Variants in PHF6 observed in about 807,000 individuals in gnomAD.
PHF6 encodes the protein PHD finger protein 6.
PHF6 carries 7 observed loss-of-function variants against 34.0 expected under a neutral mutation model. The observed-to-expected ratio is 0.21, with a 90% CI of 0.12 to 0.39. The LOEUF is 0.39. Ranked by LOEUF, PHF6 falls within the 10% of genes least tolerant of loss-of-function variation. The pLI, the probability that PHF6 is intolerant of heterozygous loss-of-function variation, is 1.00. For synonymous variants in PHF6, 89 were observed against 88.4 expected, an observed-to-expected ratio of 1.01 and a Z score of -0.04; for missense variants, 128 against 262.8, an observed-to-expected ratio of 0.49 and a Z score of 3.55.
intron 3 of PHF6, among the ~76,000 whole-genome samples, chrX:134,386,872 C>A (rs1296278713): frequency 8.9e-6 from 1 of 111,907 alleles, no homozygotes; most frequent in Non-Finnish European, 1.9e-5. Context: ...ATGAGCATGG[C>A]TGTGTTTTAA....
chrX:134,420,765 G>C (rs990431895), intron 9 of PHF6, among the ~76,000 whole-genome samples: 18 of 110,237 alleles, frequency 1.6e-4, no homozygotes, highest in African/African-American at 5.9e-4. Flanking sequence ...GCTAATTTTT[G>C]CTATTTTTTG....
At chrX:134,375,671 A>G (rs1428538893) in intron 1 of PHF6, among the ~76,000 whole-genome samples, 1 of 112,037 alleles carries the variant, frequency 8.9e-6, no homozygotes, top group East Asian at 2.8e-4. Flanking sequence ...TGGTGATTTC[A>G]GAGTGCGTAC....
intron 7 of PHF6, among the ~76,000 whole-genome samples, 198 bp downstream of exon 7, chrX:134,414,164 G>A (rs1208111802): frequency 9.0e-6 from 1 of 110,812 alleles, no homozygotes; most frequent in Non-Finnish European, 1.9e-5. Flanking sequence ...TTTAGATTTT[G>A]TTAAATTATA....
intron 9 of PHF6, among the ~76,000 whole-genome samples, chrX:134,420,870 A>T (rs1452018335): frequency 1.8e-5 from 2 of 111,754 alleles, no homozygotes; most frequent in Non-Finnish European, 3.8e-5. Flanking sequence ...CTGGGATTAC[A>T]GCTGTGAGCC....
intron 3 of PHF6, 37 bp from the exon 4 acceptor site, chrX:134,393,464 C>CA: frequency 8.3e-7 from 1 of 1,199,964 alleles, no homozygotes; most frequent in Non-Finnish European, 1.1e-6. Flanking sequence ...CTTAGAAAGT[C>CA]ACATACTAAT....
chrX:134,376,219 T>C (rs934065322), intron 1 of PHF6, among the ~76,000 whole-genome samples: 2 of 112,398 alleles, frequency 1.8e-5, no homozygotes, highest in Non-Finnish European at 3.8e-5. Flanking sequence ...CTTCCTAGCA[T>C]ACAGCTGCTA....
intron 9 of PHF6, among the ~76,000 whole-genome samples, chrX:134,421,040 A>G (rs181873196): frequency 3.6e-5 from 4 of 111,997 alleles, no homozygotes; most frequent in African/African-American, 1.3e-4. Context: ...TGGCAGTTTT[A>G]TTTAGAAGGC....
chrX:134,380,397 G>T lies in PHF6; in HGVS notation c.240+2291G>T, dbSNP rs1175957942. ...GACCTACCTGCCTCGGCCTCCCAAA[G>T]TTCTGGGATTACAGGTGTGAGCCAC... On this transcript the variant is annotated intron_variant, in intron 3 of 10. Transcript: ENST00000370803. Among the ~76,000 whole-genome samples, 3 of 111,245 alleles carry T rather than the reference G, an allele frequency of 2.7e-5. No individual in the cohort carries two copies. The East Asian group carries it at 8.5e-4, about 31-fold the overall frequency.
chrX:134,416,509 A>G (rs2124251996), intron 8 of PHF6, among the ~76,000 whole-genome samples: 1 of 111,298 alleles, frequency 9.0e-6, no homozygotes, highest in East Asian at 2.8e-4. Flanking sequence ...TCCAGAGATA[A>G]AAGGGCATCT....
At chrX:134,393,458 G>A in intron 3 of PHF6, 43 bp from the exon 4 acceptor site, 1 of 1,196,267 alleles carries the variant, frequency 8.4e-7, no homozygotes, top group Non-Finnish European at 1.1e-6. Flanking sequence ...TACAGCCTTA[G>A]AAAGTCACAT....
At chrX:134,400,629 G>A (rs771168361) in intron 5 of PHF6, among the ~76,000 whole-genome samples, 3 of 110,492 alleles carry the variant, frequency 2.7e-5, no homozygotes, top group Non-Finnish European at 5.7e-5. Flanking sequence ...AAAGGTGTGA[G>A]GGTTGGAAGC....
At position 134,425,348 on chromosome X, in the gene PHF6, A is replaced by G; in HGVS notation, c.*18A>G. On this transcript the variant is annotated intron_variant, in intron 10 of 10. Coordinates refer to ENST00000370803, the MANE Select transcript of PHF6 (RefSeq NM_001015877.2). The stretch of plus-strand genomic sequence containing the variant: ...GAAACTAGGTATGAAAGTTAATTAT[A>G]TGGGATCTGTTGTCAGGATACAATA... 8.3e-7 allele frequency: 1 copy of G among 1,207,899 alleles called. No homozygotes were observed. Among genetic ancestry groups the G allele is most frequent in the Non-Finnish European group, 1.1e-6 (1 of 892,104 alleles).
intron 9 of PHF6, among the ~76,000 whole-genome samples, chrX:134,423,506 G>T (rs892731371): frequency 8.9e-6 from 1 of 111,816 alleles, no homozygotes; most frequent in African/African-American, 3.3e-5. Context: ...CATTGTGTAG[G>T]AATCTCACTC....
intron 5 of PHF6, among the ~76,000 whole-genome samples, chrX:134,404,216 A>G (rs1220436795): frequency 8.9e-6 from 1 of 112,618 alleles, no homozygotes; most frequent in Admixed American, 9.4e-5. Context: ...ATTCAAGGGC[A>G]GAGGTCAACA....
chrX:134,396,885 TAA>T (rs35795052), intron 5 of PHF6, among the ~76,000 whole-genome samples: 60 of 81,350 alleles, frequency 7.4e-4, no homozygotes, highest in Admixed American at 5.6e-4. Flanking sequence ...TGTACTGCAC[TAA>T]AAAAAAAAAA....
At chrX:134,417,441 G>A (rs1299062128) in intron 9 of PHF6, 139 bp downstream of exon 9, 2 of 604,430 alleles carry the variant, frequency 3.3e-6, no homozygotes, top group Non-Finnish European at 5.1e-6. Flanking sequence ...TAAGGAATGA[G>A]TACTACAATT....
At chrX:134,418,865 C>T (rs1446870866) in intron 9 of PHF6, 2 of 101,974 alleles carry the variant, frequency 2.0e-5, no homozygotes. Flanking sequence ...TACTTTGAGA[C>T]AGGATCTGAC....
intron 5 of PHF6, among the ~76,000 whole-genome samples, chrX:134,405,338 A>G (rs1418380284): frequency 1.8e-5 from 2 of 111,147 alleles, no homozygotes; most frequent in Non-Finnish European, 3.8e-5. Context: ...AGCTGGGATT[A>G]CAGGTGCCTG....
rs185646102 is a variant in PHF6, at chrX:134,397,834, G to A, written c.418+3882G>A. ...ATTAGATGGGTCTCTGCCCCAAAGAGCTTGAAGTCTAATATGAGAGATGTA... is the reference window on the plus strand; with the variant it reads ...ATTAGATGGGTCTCTGCCCCAAAGAACTTGAAGTCTAATATGAGAGATGTA... On this transcript the variant is annotated intron_variant, in intron 5 of 10. Transcript: ENST00000370803. Among the ~76,000 whole-genome samples the A allele has an allele frequency of 9.8e-5, 11 of 111,824 alleles. No homozygotes were observed. In the East Asian group the frequency reaches 3.1e-3, roughly 31 times the overall value.
Sources: allele counts gnomAD v4.1 joint callset (sites outside exome capture counted in the v4.1 genomes callset), GRCh38; gene constraint gnomAD v4.1.1; transcripts MANE v1.5; gene names NCBI Gene and HGNC (gene_info 2026-07-23, HGNC 2026-07-21).